Variants in CAMTA1 observed in about 807,000 individuals in gnomAD.
CAMTA1 encodes the protein calmodulin binding transcription activator 1, also known as calmodulin-binding transcription activator 1.
CAMTA1 carries 27 observed loss-of-function variants against 170.9 expected under a neutral mutation model. That is an observed-to-expected ratio of 0.16 (90% CI 0.12 to 0.22). The LOEUF is 0.22. Ranked by LOEUF, CAMTA1 falls within the 10% of genes least tolerant of loss-of-function variation. CAMTA1 has a pLI of 1.00. For synonymous variants in CAMTA1, 833 were observed against 891.5 expected (o/e 0.93, Z 1.17); for missense variants, 1,619 against 2,217.2 (o/e 0.73, Z 5.42).
rs1676493087 is a variant in CAMTA1 at position 7,310,680 on chromosome 1, CTCTCTCTCTCTCTCTCTCTCT to C, written c.438+61055_438+61075del. 2.8e-4 allele frequency among the ~76,000 whole-genome samples: 10 copies of C among 35,398 alleles called. 1 individual carries two copies. Among genetic ancestry groups the C allele is most frequent in the African/African-American group, 9.5e-4 (6 of 6,344 alleles). The allele number at this position is 35,398 out of a possible 152,430, so 23.2% of individuals were successfully genotyped here. A position where few individuals can be genotyped will look rare whatever the true frequency, so the allele number is the denominator to read the frequency against. The stretch of plus-strand genomic sequence containing the variant: ...CTTTCTTTCTTTCTTTCCTTTCTTT[CTCTCTCTCTCTCTCTCTCTCT>C]CTTTCTTTCTTTCTTTCTTTCTTTC... On this transcript the variant is annotated intron_variant, in intron 5 of 22. Transcript: ENST00000303635.
In CAMTA1 at chr1:6,930,449, T is replaced by C. The variant is rs1260678674; in HGVS notation, c.234+105239T>C. Among the ~76,000 whole-genome samples the C allele has an allele frequency of 2.6e-5, 4 of 152,336 alleles. 1 individual carries two copies. The highest frequency in any genetic ancestry group is 2.6e-4 in the Admixed American group (4 of 15,304). Reference sequence around the variant, plus strand: ...TGATTCTAATTTCTACTTCAGTCTTTCATTCCACCAGGTTACAGAAACAGA... The same window carrying C: ...TGATTCTAATTTCTACTTCAGTCTTCCATTCCACCAGGTTACAGAAACAGA... On this transcript the variant is annotated intron_variant, in intron 3 of 22. Coordinates refer to ENST00000303635, the MANE Select transcript of CAMTA1 (RefSeq NM_015215.4).
intron 5 of CAMTA1, among the ~76,000 whole-genome samples, chr1:7,391,207 G>A (rs2088671714): frequency 6.6e-6 from 1 of 152,162 alleles, no homozygotes; most frequent in South Asian, 2.1e-4. Context: ...ATGTTGGTCA[G>A]GCTGGTCTCC....
At chr1:7,220,419 T>G (rs1224469450) in intron 4 of CAMTA1, among the ~76,000 whole-genome samples, 1 of 152,102 alleles carries the variant, frequency 6.6e-6, no homozygotes, top group Non-Finnish European at 1.5e-5. Context: ...CTGGGTTGAG[T>G]CTCGCCTGCT....
chr1:6,839,476 A>C (rs934431877), intron 3 of CAMTA1, among the ~76,000 whole-genome samples: 1 of 152,176 alleles, frequency 6.6e-6, no homozygotes, highest in Non-Finnish European at 1.5e-5. Flanking sequence ...AGGGCCTACT[A>C]TGTGCCAGGC....
intron 5 of CAMTA1, among the ~76,000 whole-genome samples, chr1:7,446,633 C>T (rs561306256): frequency 1.4e-4 from 22 of 152,322 alleles, no homozygotes; most frequent in African/African-American, 5.3e-4. Flanking sequence ...GGAGCCGAAC[C>T]CATGTTGGCC....
intron 5 of CAMTA1, among the ~76,000 whole-genome samples, chr1:7,306,877 A>ACAAAAAAAAT (rs1675672247): frequency 6.6e-6 from 1 of 151,984 alleles, no homozygotes; most frequent in East Asian, 1.9e-4. Flanking sequence ...TACAAGTAAA[A>ACAAAAAAAAT]AATACAGTAT....
At chr1:7,694,009 A>C (rs1186968376) in intron 11 of CAMTA1, 1 of 152,288 alleles carries the variant, frequency 6.6e-6, no homozygotes, top group East Asian at 1.9e-4. Flanking sequence ...AACAAACTCC[A>C]ATCAGGCATG....
chr1:7,276,944 T>C (rs1670814454), intron 5 of CAMTA1, among the ~76,000 whole-genome samples: 1 of 152,156 alleles, frequency 6.6e-6, no homozygotes, highest in Non-Finnish European at 1.5e-5. Flanking sequence ...AAAACAAAGA[T>C]AAAGAAAAAT....
In CAMTA1 at chr1:7,766,557, A is replaced by T; in HGVS notation, c.*66A>T. The T allele has an allele frequency of 6.9e-7, 1 of 1,451,242 alleles. No homozygotes were observed. Among genetic ancestry groups the T allele is most frequent in the Non-Finnish European group, 9.7e-7 (1 of 1,032,266 alleles). The allele number at this position is 1,451,242 out of a possible 1,614,324, so 89.9% of individuals were successfully genotyped here. A position where few individuals can be genotyped will look rare whatever the true frequency, so the allele number is the denominator to read the frequency against. On this transcript the variant is annotated 3_prime_UTR_variant, in exon 23 of 23. Transcript: ENST00000303635. Reference sequence around the variant, plus strand: ...TCAGACTGTTTTCATTTCTGTTTTTAGCAGAGACATGCAACAACAACACAC... The same window carrying T: ...TCAGACTGTTTTCATTTCTGTTTTTTGCAGAGACATGCAACAACAACACAC...
intron 5 of CAMTA1, among the ~76,000 whole-genome samples, chr1:7,315,843 C>T (rs1173546343): frequency 6.6e-6 from 1 of 152,158 alleles, no homozygotes; most frequent in African/African-American, 2.4e-5. Flanking sequence ...TGCATTTCTG[C>T]CTTCATGCCA....
intron 15 of CAMTA1, 96 bp from the exon 16 acceptor site, chr1:7,737,863 G>A: frequency 7.7e-7 from 1 of 1,306,610 alleles, no homozygotes; most frequent in Non-Finnish European, 1.1e-6. Flanking sequence ...TTCCGGCTTT[G>A]CACTTTGTGT....
At chr1:7,311,658 T>C (rs1450456072) in intron 5 of CAMTA1, among the ~76,000 whole-genome samples, 1 of 152,218 alleles carries the variant, frequency 6.6e-6, no homozygotes, top group East Asian at 1.9e-4. Flanking sequence ...TCTGTGCATT[T>C]TGAATATTAT....
In CAMTA1 at chr1:7,469,231, T is replaced by C. The variant is rs867263625; in HGVS notation, c.510+1330T>C. On this transcript the variant is annotated intron_variant, in intron 6 of 22. Transcript: ENST00000303635. ...TGGAGGCTGACGTGCTAGCACCTGC[T>C]TTTCTAATTGCTCAGACCTGTGTGC... Among the ~76,000 whole-genome samples the C allele has an allele frequency of 5.1e-4, 77 of 152,298 alleles. 1 individual carries two copies. Among genetic ancestry groups the C allele is most frequent in the Admixed American group, 2.2e-3 (33 of 15,310 alleles).
chr1:7,574,638 C>A (rs1359758259), intron 6 of CAMTA1, among the ~76,000 whole-genome samples: 1 of 152,164 alleles, frequency 6.6e-6, no homozygotes, highest in East Asian at 1.9e-4. Context: ...AGCTTCCTCT[C>A]GACGCGATGC....
chr1:7,750,327 T>TA (rs1040104955), intron 19 of CAMTA1, among the ~76,000 whole-genome samples: 7 of 152,222 alleles, frequency 4.6e-5, no homozygotes, highest in African/African-American at 2.4e-5. Flanking sequence ...GTTAGGCAGA[T>TA]ACAGGGATTT....
intron 3 of CAMTA1, among the ~76,000 whole-genome samples, chr1:6,958,066 C>T (rs1251844865): frequency 6.6e-6 from 1 of 152,172 alleles, no homozygotes; most frequent in East Asian, 1.9e-4. Flanking sequence ...CTTTCGTGAA[C>T]AAAACCCAGG....
In CAMTA1 at chr1:7,299,756, C is replaced by T. The variant is rs983919250; in HGVS notation, c.438+50130C>T. Among the ~76,000 whole-genome samples, 4 of 152,208 alleles carry T rather than the reference C, an allele frequency of 2.6e-5. No individual in the cohort carries two copies. Among genetic ancestry groups the T allele is most frequent in the African/African-American group, 9.6e-5 (4 of 41,458 alleles). On this transcript the variant is annotated intron_variant, in intron 5 of 22. Coordinates refer to ENST00000303635, the MANE Select transcript of CAMTA1 (RefSeq NM_015215.4). This position sits in a 1 kb window ranked among gnomAD's most constrained non-coding sequence, Gnocchi z 4.7. The stretch of plus-strand genomic sequence containing the variant: ...GAGGTGTTCCAACCCCTCACTGAGA[C>T]AGGATTTCTAGCCCCTCTCTTTGGT...
At chr1:6,823,258 C>T (rs1646724422) in intron 2 of CAMTA1, among the ~76,000 whole-genome samples, 1 of 152,076 alleles carries the variant, frequency 6.6e-6, no homozygotes, top group Non-Finnish European at 1.5e-5. Context: ...CCCGTGGAAC[C>T]TCCCTCGGGA....
chr1:7,605,484 A>G (rs1329252590), intron 6 of CAMTA1, among the ~76,000 whole-genome samples: 1 of 152,260 alleles, frequency 6.6e-6, no homozygotes, highest in Non-Finnish European at 1.5e-5. Context: ...CCTCTGAGCC[A>G]TGTGTGGGAT....
Sources: gnomAD v4.1 joint callset for allele counts (sites outside exome capture counted in the v4.1 genomes callset) on GRCh38, gnomAD v4.1.1 for gene constraint, Gnocchi (gnomAD v3.1) non-coding constraint, MANE v1.5 for transcripts, NCBI Gene and HGNC (gene_info 2026-07-23, HGNC 2026-07-21) for gene names.